Variants in UBE2L3 observed in about 807,000 individuals in gnomAD.
UBE2L3 encodes ubiquitin conjugating enzyme E2 L3.
A neutral mutation model predicts 17.8 loss-of-function variants in UBE2L3; 1 was observed. The observed-to-expected ratio is 0.06, with a 90% CI of 0.02 to 0.27. The LOEUF (loss-of-function observed/expected upper bound fraction) is 0.27. UBE2L3 is among the 10% of genes least tolerant of loss of function. The pLI is 1.00. For synonymous variants in UBE2L3, 44 were observed against 68.5 expected (o/e 0.64, Z 1.76); for missense variants, 40 against 192.6 (o/e 0.21, Z 4.69).
chr22:21,616,995 G>C (rs1348090558), intron 3 of UBE2L3, among the ~76,000 whole-genome samples: 2 of 151,762 alleles, frequency 1.3e-5, no homozygotes, highest in East Asian at 3.9e-4. Context: ...CAGATCACGA[G>C]GTCAGGAGAT....
At chr22:21,598,907 C>A (rs1420420526) in intron 2 of UBE2L3, among the ~76,000 whole-genome samples, 2 of 151,594 alleles carry the variant, frequency 1.3e-5, no homozygotes, top group African/African-American at 2.4e-5. Flanking sequence ...GTGGTGTGAT[C>A]TCAGCTCACT....
chr22:21,567,636 G>A (rs1439011115), upstream of UBE2L3: 10 of 1,543,672 alleles, frequency 6.5e-6, no homozygotes, highest in South Asian at 6.0e-5. Flanking sequence ...GCTCCGCTCT[G>A]CTCCTGTGCC....
chr22:21,610,231 C>T (rs1929408722), intron 2 of UBE2L3, among the ~76,000 whole-genome samples: 1 of 152,198 alleles, frequency 6.6e-6, no homozygotes, highest in South Asian at 2.1e-4. Flanking sequence ...GACACCAATC[C>T]CATCATGACC....
rs575608057 is a variant in UBE2L3 at position 21,622,808 on chromosome 22, C to G, written c.*1139C>G. On this transcript the variant is annotated 3_prime_UTR_variant, in exon 4 of 4. Transcript: ENST00000342192. ...CGGGAACAAGACGGACTTCCTCTCC[C>G]TTCGGACTCACAGCCTTTGCAGAGT... 1 of 152,988 alleles carries G rather than the reference C, an allele frequency of 6.5e-6. No homozygotes were observed. Among genetic ancestry groups the G allele is most frequent in the East Asian group, 1.9e-4 (1 of 5,330 alleles). 9.5% of individuals were successfully genotyped at this position (152,988 alleles called of 1,614,324 possible).
At chr22:21,615,239 C>G (rs1264051861) in intron 3 of UBE2L3, among the ~76,000 whole-genome samples, 1 of 151,768 alleles carries the variant, frequency 6.6e-6, no homozygotes, top group Non-Finnish European at 1.5e-5. Context: ...GAAGTACTGT[C>G]TTATGGTACA....
intron 2 of UBE2L3, among the ~76,000 whole-genome samples, chr22:21,599,707 T>C (rs747146697): frequency 1.3e-5 from 2 of 152,198 alleles, no homozygotes; most frequent in African/African-American, 4.8e-5. Context: ...GAGAGCACCA[T>C]GTATGCACAG....
chr22:21,596,582 G>A (rs560386447), intron 2 of UBE2L3, among the ~76,000 whole-genome samples: 1 of 151,986 alleles, frequency 6.6e-6, no homozygotes, highest in Non-Finnish European at 1.5e-5. Context: ...TGTTGCCCAG[G>A]CTGGGGAGTG....
intron 1 of UBE2L3, among the ~76,000 whole-genome samples, chr22:21,575,258 CAAAA>C (rs999280735): frequency 5.7e-5 from 3 of 52,720 alleles, no homozygotes; most frequent in Non-Finnish European, 9.5e-5. Context: ...GACTCCATCT[CAAAA>C]AAAAAAAAAA....
chr22:21,587,756 T>C (rs987767329), intron 1 of UBE2L3, among the ~76,000 whole-genome samples: 2 of 152,190 alleles, frequency 1.3e-5, no homozygotes, highest in Non-Finnish European at 2.9e-5. Flanking sequence ...CTCCTGTTAG[T>C]GCTTGCAAAG....
intron 1 of UBE2L3, among the ~76,000 whole-genome samples, chr22:21,560,318 C>T (rs1394981096): frequency 6.6e-6 from 1 of 152,262 alleles, no homozygotes; most frequent in Non-Finnish European, 1.5e-5. Context: ...AGCCTTTGAA[C>T]AAGCAGGCAC....
At chr22:21,562,371 T>G (rs957691169) in intron 1 of UBE2L3, among the ~76,000 whole-genome samples, 1 of 145,144 alleles carries the variant, frequency 6.9e-6, no homozygotes, top group Non-Finnish European at 1.5e-5. Context: ...ATTTTTTCTT[T>G]TTTTCTTTTT....
chr22:21,586,875 CTTTTTTT>C (rs34463645), intron 1 of UBE2L3, among the ~76,000 whole-genome samples: 1 of 118,940 alleles, frequency 8.4e-6, no homozygotes, highest in Non-Finnish European at 1.7e-5. Flanking sequence ...TGTGCCCGGC[CTTTTTTT>C]TTTTTTTTTT....
intron 1 of UBE2L3, among the ~76,000 whole-genome samples, chr22:21,579,967 G>A (rs1161291022): frequency 6.6e-6 from 1 of 152,204 alleles, no homozygotes; most frequent in African/African-American, 2.4e-5. Context: ...TGCCTGAGCA[G>A]TAGGAGCCTA....
intron 1 of UBE2L3, among the ~76,000 whole-genome samples, chr22:21,580,954 T>TTA (rs1927592140): frequency 6.6e-6 from 1 of 151,724 alleles, no homozygotes; most frequent in Admixed American, 6.6e-5. Flanking sequence ...TCATAACTCA[T>TTA]TATAACTCAT....
intron 3 of UBE2L3, among the ~76,000 whole-genome samples, chr22:21,616,929 G>A (rs965728077): frequency 2.6e-5 from 4 of 151,450 alleles, no homozygotes; most frequent in Admixed American, 2.6e-4. Flanking sequence ...AGAACAAAAG[G>A]GCCAGGCACG....
chr22:21,590,420 A>G (rs1568978458), intron 1 of UBE2L3, among the ~76,000 whole-genome samples: 1 of 150,802 alleles, frequency 6.6e-6, no homozygotes, highest in South Asian at 2.1e-4. Context: ...CTTGTCTCGA[A>G]CTCCTGACCT....
At chr22:21,573,429 A>G (rs1393797418) in intron 1 of UBE2L3, among the ~76,000 whole-genome samples, 1 of 152,098 alleles carries the variant, frequency 6.6e-6, no homozygotes, top group Admixed American at 6.6e-5. Flanking sequence ...TTTGAGACTC[A>G]GCTCAAGGGG....
chr22:21,581,874 G>C (rs924787160), intron 1 of UBE2L3, among the ~76,000 whole-genome samples: 3 of 151,892 alleles, frequency 2.0e-5, no homozygotes, highest in Non-Finnish European at 4.4e-5. Flanking sequence ...CACTTTGGGA[G>C]GCTGAGGCAG....
At chr22:21,577,589 C>T (rs923953591) in intron 1 of UBE2L3, among the ~76,000 whole-genome samples, 2 of 152,160 alleles carry the variant, frequency 1.3e-5, no homozygotes, top group Admixed American at 6.5e-5. Flanking sequence ...GTGGTGGAGC[C>T]AGGCCCAACA....
Sources: gnomAD v4.1 joint callset for allele counts (sites outside exome capture counted in the v4.1 genomes callset) on GRCh38, gnomAD v4.1.1 for gene constraint, MANE v1.5 for transcripts, NCBI Gene and HGNC (gene_info 2026-07-23, HGNC 2026-07-21) for gene names.